LGSN: variants seen among roughly 807,000 people sequenced by gnomAD.
The protein encoded by LGSN is lengsin, lens protein with glutamine synthetase domain, also known as lengsin.
In LGSN, 21 loss-of-function variants were observed where a neutral mutation model predicts 19.5. That is an observed-to-expected ratio of 1.07 (90% CI 0.76 to 1.55). The LOEUF (loss-of-function observed/expected upper bound fraction) is 1.55. Ranked by LOEUF, LGSN falls within the 40% of genes most tolerant of loss-of-function variation. LGSN has a pLI of 0.00. For synonymous variants in LGSN, 257 were observed against 215.6 expected (o/e 1.19, Z -1.68); for missense variants, 673 against 608.5 (o/e 1.11, Z -1.12).
chr6:63,399,871 A>G, the LGSN span, among the ~76,000 whole-genome samples: 2 of 151,246 alleles, frequency 1.3e-5, no homozygotes, highest in African/African-American at 2.4e-5. Flanking sequence ...ATTTTTTTTT[A>G]TTTATTTTTT....
chr6:63,356,078 G>A, the LGSN span, among the ~76,000 whole-genome samples: 1 of 151,972 alleles, frequency 6.6e-6, no homozygotes, highest in Non-Finnish European at 1.5e-5. Flanking sequence ...CTTTTTATAA[G>A]GACACCGGTT....
the LGSN span, among the ~76,000 whole-genome samples, chr6:63,479,895 A>G: frequency 6.6e-6 from 1 of 152,176 alleles, no homozygotes; most frequent in Admixed American, 6.6e-5. Flanking sequence ...TTGTTTATCA[A>G]GCACTTACTA....
At chr6:63,304,595 T>A (rs1768308535) in intron 1 of LGSN, among the ~76,000 whole-genome samples, 1 of 152,220 alleles carries the variant, frequency 6.6e-6, no homozygotes, top group African/African-American at 2.4e-5. Flanking sequence ...ACTTTTCATC[T>A]GGCTTATTCT....
At chr6:63,311,351 G>T (rs1275594599) in intron 1 of LGSN, among the ~76,000 whole-genome samples, 1 of 152,178 alleles carries the variant, frequency 6.6e-6, no homozygotes, top group Non-Finnish European at 1.5e-5. Flanking sequence ...GTTGGCTATT[G>T]TTTCTGCTGT....
the LGSN span, among the ~76,000 whole-genome samples, chr6:63,362,426 C>A: frequency 6.6e-6 from 1 of 152,172 alleles, no homozygotes; most frequent in African/African-American, 2.4e-5. Flanking sequence ...TGCAAGGGGT[C>A]GGGGAATTCC....
the LGSN span, among the ~76,000 whole-genome samples, chr6:63,542,971 C>G: frequency 1.3e-5 from 2 of 152,150 alleles, no homozygotes; most frequent in Non-Finnish European, 2.9e-5. Context: ...TTTTTATCTT[C>G]TTGAACTTGC....
chr6:63,488,390 G>A, the LGSN span, among the ~76,000 whole-genome samples: 1 of 152,140 alleles, frequency 6.6e-6, no homozygotes, highest in Non-Finnish European at 1.5e-5. Flanking sequence ...GTAGTAAGAG[G>A]CAGAGCTCAG....
the LGSN span, chr6:63,549,283 C>A: frequency 1.3e-6 from 1 of 753,312 alleles, no homozygotes; most frequent in Non-Finnish European, 2.4e-6. Context: ...TCAGGAGGCA[C>A]TTTCAGCCAC....
chr6:63,367,555 T>A, the LGSN span, among the ~76,000 whole-genome samples: 1 of 151,288 alleles, frequency 6.6e-6, no homozygotes, highest in Non-Finnish European at 1.5e-5. Context: ...GATCTAGAAC[T>A]AGAAATACCA....
the LGSN span, among the ~76,000 whole-genome samples, chr6:63,325,142 T>C: frequency 1.4e-5 from 2 of 143,452 alleles, no homozygotes; most frequent in African/African-American, 5.1e-5. Flanking sequence ...TTTTCAAATA[T>C]ATAATCTAAT....
the LGSN span, among the ~76,000 whole-genome samples, chr6:63,554,520 G>A: frequency 2.0e-5 from 3 of 152,100 alleles, no homozygotes; most frequent in Non-Finnish European, 2.9e-5. Flanking sequence ...AATTTAGGCC[G>A]GGCACGGTGG....
At chr6:63,487,494 C>A in the LGSN span, among the ~76,000 whole-genome samples, 2 of 152,212 alleles carry the variant, frequency 1.3e-5, no homozygotes, top group Non-Finnish European at 2.9e-5. Flanking sequence ...AATTATCTTT[C>A]AACACTACTC....
At chr6:63,318,835 G>C (rs892163659) in intron 1 of LGSN, among the ~76,000 whole-genome samples, 10 of 152,134 alleles carry the variant, frequency 6.6e-5, no homozygotes, top group African/African-American at 2.4e-4. Flanking sequence ...AAGTTACATA[G>C]TTAGAAATCA....
the LGSN span, among the ~76,000 whole-genome samples, chr6:63,566,596 G>A: frequency 6.6e-6 from 1 of 152,190 alleles, no homozygotes; most frequent in Non-Finnish European, 1.5e-5. Context: ...GCTAAAAAAT[G>A]CTAACAGTCA....
At chr6:63,282,463 G>T (rs1767356749) in intron 3 of LGSN, among the ~76,000 whole-genome samples, 1 of 152,110 alleles carries the variant, frequency 6.6e-6, no homozygotes, top group Non-Finnish European at 1.5e-5. Context: ...TCTGGTGAGG[G>T]CTGCTTTCTG....
intron 1 of LGSN, among the ~76,000 whole-genome samples, chr6:63,316,189 G>T (rs1300708296): frequency 6.6e-6 from 1 of 152,102 alleles, no homozygotes; most frequent in East Asian, 1.9e-4. Flanking sequence ...CTAGACCTAA[G>T]TTGGCAGATT....
the LGSN span, among the ~76,000 whole-genome samples, chr6:63,384,898 T>TTGAGAGGAACTATGGACAC: frequency 6.6e-6 from 1 of 152,278 alleles, no homozygotes. Context: ...TGATGTCATT[T>TTGAGAGGAACTATGGACAC]TGAGAGGAAC....
chr6:63,350,149 A>G, the LGSN span, among the ~76,000 whole-genome samples: 9 of 152,258 alleles, frequency 5.9e-5, no homozygotes, highest in Non-Finnish European at 1.0e-4. Flanking sequence ...CCAACCTAAT[A>G]ATTAACTCAT....
chr6:63,484,719 T>A, the LGSN span, among the ~76,000 whole-genome samples: 5 of 152,226 alleles, frequency 3.3e-5, no homozygotes, highest in Non-Finnish European at 5.9e-5. Flanking sequence ...TATTAAAAGA[T>A]GATTTACCAC....
Sources: allele counts gnomAD v4.1 joint callset (sites outside exome capture counted in the v4.1 genomes callset), GRCh38; gene constraint gnomAD v4.1.1; transcripts MANE v1.5; gene names NCBI Gene and HGNC (gene_info 2026-07-23, HGNC 2026-07-21).